The following MRPL48 variants were observed in gnomAD, a reference collection of about 807,000 sequenced individuals.
MRPL48 encodes large ribosomal subunit protein mL48.
A neutral mutation model predicts 32.9 loss-of-function variants in MRPL48; 16 were observed. That is an observed-to-expected ratio of 0.49 (90% CI 0.33 to 0.74). MRPL48 has a LOEUF of 0.74. Ranked by LOEUF, MRPL48 falls within the 30% of genes least tolerant of loss-of-function variation. The pLI is 0.02. For missense variants in MRPL48, 206 were observed against 245.3 expected, an observed-to-expected ratio of 0.84 and a Z score of 1.07; for synonymous variants, 94 against 89.2, an observed-to-expected ratio of 1.05 and a Z score of -0.31.
intron 5 of MRPL48, among the ~76,000 whole-genome samples, chr11:73,854,250 A>C (rs540576609): frequency 4.7e-4 from 71 of 152,244 alleles, no homozygotes; most frequent in Non-Finnish European, 4.3e-4. Flanking sequence ...GTGTGTTCAC[A>C]TAAGATTAGG....
At chr11:73,822,118 A>C (rs1413495073) in intron 3 of MRPL48, among the ~76,000 whole-genome samples, 1 of 152,126 alleles carries the variant, frequency 6.6e-6, no homozygotes, top group Non-Finnish European at 1.5e-5. Context: ...AAGGTCTTAG[A>C]TTCAGAGAGA....
rs912392525 is a variant in MRPL48, at chr11:73,864,843, G to A, written c.*473G>A. On this transcript the variant is annotated 3_prime_UTR_variant, in exon 8 of 8. Transcript: ENST00000310614. ...GTCTCGCTCTGTTGCCCAGGCTGGA[G>A]TGCAGTGGCACGATCTAGACTCACT... 1 of 165,896 alleles carries A rather than the reference G, an allele frequency of 6.0e-6. No individual in the cohort carries two copies. The highest frequency in any genetic ancestry group is 1.3e-5 in the Non-Finnish European group (1 of 75,518). The allele number at this position is 165,896 out of a possible 1,614,324, so 10.3% of individuals were successfully genotyped here. A position where few individuals can be genotyped will look rare whatever the true frequency, so the allele number is the denominator to read the frequency against.
chr11:73,821,759 GC>G (rs576462082), intron 3 of MRPL48, among the ~76,000 whole-genome samples: 14 of 152,098 alleles, frequency 9.2e-5, no homozygotes, highest in Non-Finnish European at 2.1e-4. Context: ...CATTGTTGTA[GC>G]CCCAGCTTCT....
At chr11:73,824,130 A>G (rs949903508) in intron 3 of MRPL48, among the ~76,000 whole-genome samples, 9 of 152,032 alleles carry the variant, frequency 5.9e-5, no homozygotes, top group South Asian at 2.1e-4. Context: ...CTGGGATTAC[A>G]GCCATGAGCC....
intron 3 of MRPL48, 89 bp from the exon 4 acceptor site, chr11:73,825,619 T>C: frequency 8.6e-7 from 1 of 1,162,126 alleles, no homozygotes; most frequent in Non-Finnish European, 1.2e-6. Flanking sequence ...ACATCCCAGC[T>C]TGGGTGACAG....
chr11:73,829,527 C>G (rs1350232374), intron 4 of MRPL48, among the ~76,000 whole-genome samples: 1 of 152,040 alleles, frequency 6.6e-6, no homozygotes, highest in East Asian at 1.9e-4. Flanking sequence ...TGCCACCAAG[C>G]CTGGCTAATT....
At chr11:73,833,501 A>G (rs978133763) in intron 4 of MRPL48, among the ~76,000 whole-genome samples, 1 of 152,126 alleles carries the variant, frequency 6.6e-6, no homozygotes, top group East Asian at 1.9e-4. Context: ...CCCTTGGAAC[A>G]TTGGTGGTAC....
intron 5 of MRPL48, chr11:73,851,105 A>C: frequency 2.1e-6 from 1 of 487,748 alleles, no homozygotes. Flanking sequence ...CTTAGTGTTT[A>C]ATTTATATAC....
rs539637321 is a variant in MRPL48 at position 73,848,080 on chromosome 11, T to G, written c.371+3104T>G. 1.5e-3 allele frequency among the ~76,000 whole-genome samples: 236 copies of G among 152,340 alleles called. 1 individual carries two copies. Among genetic ancestry groups the G allele is most frequent in the African/African-American group, 5.6e-3 (233 of 41,582 alleles). On this transcript the variant is annotated intron_variant, in intron 5 of 7. Coordinates refer to ENST00000310614, the MANE Select transcript of MRPL48 (RefSeq NM_016055.6). ...TGCCTGACCCAGTTGCAAAAAAACA[T>G]TTTCCTATGTTTTCTCCTAGAAGTT...
intron 4 of MRPL48, among the ~76,000 whole-genome samples, chr11:73,832,037 T>C (rs1019161182): frequency 6.6e-6 from 1 of 151,318 alleles, no homozygotes; most frequent in Non-Finnish European, 1.5e-5. Flanking sequence ...TTACTTGACC[T>C]CAGCTGTTGT....
chr11:73,848,488 A>ATTT (rs56364963), intron 5 of MRPL48, among the ~76,000 whole-genome samples: 4,468 of 144,970 alleles, frequency 0.031, 141 homozygotes, highest in African/African-American at 0.077. Context: ...GTCCGATGGG[A>ATTT]TTTTTTTTTT....
chr11:73,819,650 T>C (rs771368497), intron 3 of MRPL48, among the ~76,000 whole-genome samples: 6 of 152,306 alleles, frequency 3.9e-5, no homozygotes, highest in Non-Finnish European at 7.4e-5. Context: ...TAAATATCTA[T>C]ATTTTAAAAC....
chr11:73,846,925 T>C (rs972670229), intron 5 of MRPL48, among the ~76,000 whole-genome samples: 1 of 151,838 alleles, frequency 6.6e-6, no homozygotes, highest in Non-Finnish European at 1.5e-5. Flanking sequence ...TAAAATTTTT[T>C]GTAGAGATGG....
intron 1 of MRPL48, among the ~76,000 whole-genome samples, chr11:73,788,540 C>T (rs959265143): frequency 3.6e-5 from 5 of 140,522 alleles, no homozygotes; most frequent in Non-Finnish European, 4.5e-5. Flanking sequence ...GTGGTGCGAT[C>T]CCGGCTCACC....
At chr11:73,808,432 C>T in intron 3 of MRPL48, 82 bp downstream of exon 3, 1 of 1,396,806 alleles carries the variant, frequency 7.2e-7, no homozygotes, top group South Asian at 1.3e-5. Flanking sequence ...AGAAGGAAGC[C>T]TACCATATCT....
At chr11:73,850,694 T>TTTG in intron 5 of MRPL48, 1 of 232,054 alleles carries the variant, frequency 4.3e-6, no homozygotes. Context: ...TTTTTTTTTT[T>TTTG]GAAACGGAGT....
chr11:73,851,333 C>G (rs1014598118), intron 5 of MRPL48: 18 of 221,734 alleles, frequency 8.1e-5, no homozygotes, highest in Non-Finnish European at 1.5e-4. Flanking sequence ...GGATTTAAAC[C>G]CAGTTCTGCC....
At chr11:73,834,189 G>A (rs183023351) in intron 4 of MRPL48, among the ~76,000 whole-genome samples, 1 of 152,146 alleles carries the variant, frequency 6.6e-6, no homozygotes, top group African/African-American at 2.4e-5. Flanking sequence ...AATAATTTGG[G>A]GCTCTAGGAA....
chr11:73,828,126 G>A (rs1947930934), intron 4 of MRPL48, among the ~76,000 whole-genome samples: 1 of 151,834 alleles, frequency 6.6e-6, no homozygotes, highest in Non-Finnish European at 1.5e-5. Flanking sequence ...CAACTTGTAT[G>A]TCATGTAACT....
Sources: allele counts gnomAD v4.1 joint callset (sites outside exome capture counted in the v4.1 genomes callset), GRCh38; gene constraint gnomAD v4.1.1; transcripts MANE v1.5; gene names NCBI Gene and HGNC (gene_info 2026-07-23, HGNC 2026-07-21).